Variants in SLC36A4 observed in about 807,000 individuals in gnomAD.
SLC36A4 encodes solute carrier family 36 member 4.
Under a neutral mutation model 50.5 loss-of-function variants are expected in SLC36A4, and 49 were observed. The ratio of observed to expected loss-of-function variants is 0.97; its 90% CI spans 0.77 to 1.23. SLC36A4 has a LOEUF of 1.23. Ranked by LOEUF, SLC36A4 falls within the 50% of genes most tolerant of loss-of-function variation. The pLI, the probability that SLC36A4 is intolerant of heterozygous loss-of-function variation, is 0.00. For missense variants in SLC36A4, 611 were observed against 608.4 expected (o/e 1.00, Z -0.05); for synonymous variants, 207 against 206.5 (o/e 1.00, Z -0.02).
chr11:93,196,428 A>G (rs965802350), intron 1 of SLC36A4, among the ~76,000 whole-genome samples: 7 of 151,966 alleles, frequency 4.6e-5, no homozygotes, highest in African/African-American at 1.2e-4. Context: ...GTGCAGTGGC[A>G]CGATCTCGGC....
chr11:93,168,088 G>T lies in SLC36A4; in HGVS notation c.624C>A (p.Asp208Glu), dbSNP rs1860965009. The T allele has an allele frequency of 6.2e-7, 1 of 1,612,210 alleles. No individual in the cohort carries two copies. The highest frequency in any genetic ancestry group is 8.5e-7 in the Non-Finnish European group (1 of 1,178,826). ...SSNPCERRSV[D>E]LRIYMLCFLP... ...GAAAGCAAAGCATATATATCCTTAG[G>T]TCAACACTTCTTCTCTCACAAGGGT... Residue 208 changes from aspartate (D) to glutamate (E), a missense_variant, in exon 7 of 11, where the codon GAC becomes GAA. By Grantham distance (45) the Asp-to-Glu change is conservative. Coordinates refer to ENST00000326402, the MANE Select transcript of SLC36A4 (RefSeq NM_152313.4).
Position 93,162,713 on chromosome 11 carries a change from C to A in SLC36A4, c.1030G>T (p.Asp344Tyr), listed in dbSNP as rs76610702. 303 of 1,607,976 alleles carry A rather than the reference C, an allele frequency of 1.9e-4. No individual in the cohort carries two copies. The African/African-American group carries it at 3.7e-3, about 20-fold the overall frequency. ...AAATTCATATACACCTACCATACAT[C>A]TTGGGGAAGATTTAAAGTTATGCTG... ...KGSITLNLPQ[D>Y]VWLYQSVKIL... The change falls in exon 9 of 11, where the codon GAT becomes TAT. Residue 344 changes from aspartate (D) to tyrosine (Y), a missense_variant. Asp to Tyr is a radical substitution (Grantham distance 160). Coordinates refer to ENST00000326402, the MANE Select transcript of SLC36A4 (RefSeq NM_152313.4).
At chr11:93,167,896 A>T in intron 7 of SLC36A4, 48 bp downstream of exon 7, 1 of 1,278,218 alleles carries the variant, frequency 7.8e-7, no homozygotes, top group Non-Finnish European at 1.1e-6. Context: ...ACAAAATTTT[A>T]CTTACATAAG....
At position 93,197,851 on chromosome 11, in the gene SLC36A4, A is replaced by T. The variant is rs1402933565; in HGVS notation, c.-19T>A. Reference sequence around the variant, plus strand: ...CTTCCATCTCTCGCGGGTCTCCAGGACGCCGCCGCCCGAGTGCTCACTCTC... The same window carrying T: ...CTTCCATCTCTCGCGGGTCTCCAGGTCGCCGCCGCCCGAGTGCTCACTCTC... On this transcript the variant is annotated 5_prime_UTR_variant, in exon 1 of 11. Coordinates refer to ENST00000326402, the MANE Select transcript of SLC36A4 (RefSeq NM_152313.4). 4 of 1,544,480 alleles carry T rather than the reference A, an allele frequency of 2.6e-6. No homozygotes were observed. The highest frequency in any genetic ancestry group is 3.5e-6 in the Non-Finnish European group (4 of 1,153,052).
At chr11:93,183,041 ACT>A (rs1264592054) in intron 3 of SLC36A4, 147 bp from the exon 4 acceptor site, 2 of 580,800 alleles carry the variant, frequency 3.4e-6, no homozygotes, top group African/African-American at 3.8e-5. Context: ...AAACTAATAA[ACT>A]TGATGCAGAA....
intron 6 of SLC36A4, chr11:93,171,446 C>T (rs1285422292): frequency 2.6e-5 from 4 of 152,176 alleles, no homozygotes; most frequent in East Asian, 1.9e-4. Flanking sequence ...CAGAGATCTA[C>T]GTTTCAACCT....
In SLC36A4 at chr11:93,182,318, A is replaced by C. The variant is rs929954679; in HGVS notation, c.359+488T>G. 4.2e-5 allele frequency: 35 copies of C among 839,648 alleles called. No individual in the cohort carries two copies. In the African/African-American group the frequency reaches 6.4e-4, roughly 15 times the overall value. The allele number at this position is 839,648 out of a possible 1,614,324, so 52.0% of individuals were successfully genotyped here. Reference sequence around the variant, plus strand: ...AAAGTTTTAAGAGTATATAACAACAACAAAAAAGAGTCAAGACTTGATATT... The same window carrying C: ...AAAGTTTTAAGAGTATATAACAACACCAAAAAAGAGTCAAGACTTGATATT... On this transcript the variant is annotated intron_variant, in intron 4 of 10. Transcript: ENST00000326402.
chr11:93,197,875 T>C lies in SLC36A4; in HGVS notation c.-43A>G. 3 of 1,505,832 alleles carry C rather than the reference T, an allele frequency of 2.0e-6. No homozygotes were observed. Among genetic ancestry groups the C allele is most frequent in the Non-Finnish European group, 2.6e-6 (3 of 1,133,280 alleles). 93.3% of individuals were successfully genotyped at this position (1,505,832 alleles called of 1,614,324 possible). ...GACGCCGCCGCCCGAGTGCTCACTC[T>C]CCCGCCGCTGCGTGGCCGGCGTCAG... is the stretch of plus-strand genomic sequence containing the variant. On this transcript the variant is annotated 5_prime_UTR_variant, in exon 1 of 11. Transcript: ENST00000326402.
intron 1 of SLC36A4, among the ~76,000 whole-genome samples, chr11:93,192,243 G>C (rs1297166436): frequency 6.6e-6 from 1 of 152,216 alleles, no homozygotes; most frequent in Non-Finnish European, 1.5e-5. Flanking sequence ...TGACGAAGGA[G>C]CAGGAGTGAG....
intron 1 of SLC36A4, among the ~76,000 whole-genome samples, chr11:93,188,730 T>C (rs1862092065): frequency 6.6e-6 from 1 of 152,196 alleles, no homozygotes; most frequent in Non-Finnish European, 1.5e-5. Flanking sequence ...GCCTATATCC[T>C]TTTCTGTTAT....
rs1429003564 is a variant in SLC36A4, at chr11:93,147,743, G to A, written c.*794C>T. On this transcript the variant is annotated 3_prime_UTR_variant, in exon 11 of 11. Coordinates refer to ENST00000326402, the MANE Select transcript of SLC36A4 (RefSeq NM_152313.4). ...ATGATGTGAGAAATAAAACATCCTG[G>A]CCTGGGAGTCAGAAGATTAGGTTTT... 1 of 151,992 alleles carries A rather than the reference G, an allele frequency of 6.6e-6. No homozygotes were observed. The highest frequency in any genetic ancestry group is 1.5e-5 in the Non-Finnish European group (1 of 67,984). 9.4% of individuals were successfully genotyped at this position (151,992 alleles called of 1,614,324 possible). A position where few individuals can be genotyped will look rare whatever the true frequency, so the allele number is the denominator to read the frequency against.
chr11:93,166,755 G>A (rs1469606541), intron 7 of SLC36A4: 1 of 152,092 alleles, frequency 6.6e-6, no homozygotes, highest in Non-Finnish European at 1.5e-5. Flanking sequence ...AGAATTCAAG[G>A]CCAAGTAAAA....
Position 93,148,570 on chromosome 11 carries a change from C to T in SLC36A4, c.1482G>A (p.Leu494=), listed in dbSNP as rs1350439232. The change falls in exon 11 of 11, where the codon TTG becomes TTA. Residue 494 remains leucine, a synonymous_variant. Coordinates refer to ENST00000326402, the MANE Select transcript of SLC36A4 (RefSeq NM_152313.4). The stretch of plus-strand genomic sequence containing the variant: ...AACCAGATGTTAAGCATGTTGAATT[C>T]AAATTTAGAAAAGGACTCTGTGGAG... ...AGTPQSPFLN[L]NSTCLTSGLK 1 of 1,611,020 alleles carries T rather than the reference C, an allele frequency of 6.2e-7. No homozygotes were observed. Among genetic ancestry groups the T allele is most frequent in the Non-Finnish European group, 8.5e-7 (1 of 1,178,936 alleles).
At chr11:93,195,865 T>A (rs1862397234) in intron 1 of SLC36A4, among the ~76,000 whole-genome samples, 1 of 152,178 alleles carries the variant, frequency 6.6e-6, no homozygotes, top group African/African-American at 2.4e-5. Flanking sequence ...AACCATTTTA[T>A]AAAATACTGT....
intron 6 of SLC36A4, 112 bp from the exon 7 acceptor site, chr11:93,168,283 T>C (rs914665355): frequency 6.1e-6 from 3 of 494,978 alleles, no homozygotes; most frequent in Non-Finnish European, 1.1e-5. Context: ...AATAAATTCC[T>C]ATGATATATT....
intron 7 of SLC36A4, chr11:93,167,654 C>T (rs1860937935): frequency 3.3e-6 from 1 of 299,120 alleles, no homozygotes; most frequent in Non-Finnish European, 6.1e-6. Flanking sequence ...TCCTAAGTCT[C>T]ATAACTCTAA....
intron 1 of SLC36A4, among the ~76,000 whole-genome samples, chr11:93,191,196 T>C (rs946000149): frequency 2.0e-5 from 3 of 152,198 alleles, no homozygotes. Flanking sequence ...ATATATAACA[T>C]GCTAAATTGT....
rs560750598 is a variant in SLC36A4, at chr11:93,172,536, G to A, written c.541-4365C>T. On this transcript the variant is annotated intron_variant, in intron 6 of 10. Transcript: ENST00000326402. The stretch of plus-strand genomic sequence containing the variant: ...ATTTATACATGTGCCATGCTGGTGC[G>A]CTGCACCCACTAACTCGTCATCTAG... Among the ~76,000 whole-genome samples, 500 of 150,564 alleles carry A rather than the reference G, an allele frequency of 3.3e-3. 2 individuals carry two copies. The highest frequency in any genetic ancestry group is 5.9e-3 in the Non-Finnish European group (397 of 67,752).
chr11:93,184,590 G>C, intron 2 of SLC36A4, 70 bp from the exon 3 acceptor site: 1 of 902,042 alleles, frequency 1.1e-6, no homozygotes, highest in East Asian at 2.5e-5. Flanking sequence ...CATGGTTTTA[G>C]TACTAGAAGG....
Sources: gnomAD v4.1 joint callset for allele counts (sites outside exome capture counted in the v4.1 genomes callset) on GRCh38, gnomAD v4.1.1 for gene constraint, MANE v1.5 for transcripts, NCBI Gene and HGNC (gene_info 2026-07-23, HGNC 2026-07-21) for gene names.